Variants in RTN4RL1 observed in about 807,000 individuals in gnomAD.
RTN4RL1 encodes the protein reticulon 4 receptor like 1.
A neutral mutation model predicts 25.6 loss-of-function variants in RTN4RL1; 7 were observed. That is an observed-to-expected ratio of 0.27 (90% CI 0.16 to 0.51). RTN4RL1 has a LOEUF of 0.51. Among genes scored for constraint, RTN4RL1 ranks in the 20% least tolerant of loss-of-function variants. RTN4RL1 has a pLI of 0.97. For synonymous variants in RTN4RL1, 297 were observed against 288.2 expected, an observed-to-expected ratio of 1.03 and a Z score of -0.31; for missense variants, 500 against 615.6, an observed-to-expected ratio of 0.81 and a Z score of 1.99.
In RTN4RL1 at chr17:1,936,740, T is replaced by A; in HGVS notation, c.1082A>T (p.Asn361Ile). The change falls in exon 2 of 2, where the codon AAC (asparagine) becomes ATC (isoleucine). Residue 361 changes from asparagine to isoleucine, a missense_variant. Physicochemically the swap from Asn to Ile is moderately radical, Grantham distance 149 (BLOSUM62 -3). Transcript: ENST00000331238. Reference sequence around the variant, plus strand: ...GCCCGCCTTAGAGATCTGATTGCGGTTCCTGGGGTTGGTGCAGTTCTTCCC... The same window carrying A: ...GCCCGCCTTAGAGATCTGATTGCGGATCCTGGGGTTGGTGCAGTTCTTCCC... Reference protein sequence around the residue: ...KPGKNCTNPRNRNQISKAGAG... With the variant: ...KPGKNCTNPRIRNQISKAGAG... The A allele has an allele frequency of 6.3e-7, 1 of 1,596,334 alleles. No individual in the cohort carries two copies. Among genetic ancestry groups the A allele is most frequent in the Non-Finnish European group, 8.5e-7 (1 of 1,173,054 alleles).
intron 1 of RTN4RL1, among the ~76,000 whole-genome samples, chr17:1,957,992 T>C (rs7359650): frequency 0.49 from 74,107 of 151,498 alleles, 19,300 homozygotes; most frequent in Non-Finnish European, 0.6. Flanking sequence ...GCCTGGGTAA[T>C]GCAGTGAGAC....
chr17:1,938,093 C>T (rs989612641), intron 1 of RTN4RL1, among the ~76,000 whole-genome samples: 8 of 152,096 alleles, frequency 5.3e-5, no homozygotes, highest in African/African-American at 1.9e-4. Flanking sequence ...GCTGCTGAGC[C>T]CCAGCCCCAC....
intron 1 of RTN4RL1, among the ~76,000 whole-genome samples, chr17:1,958,777 T>A (rs1174087264): frequency 6.6e-6 from 1 of 152,188 alleles, no homozygotes; most frequent in Non-Finnish European, 1.5e-5. Context: ...CAGGCCTGGG[T>A]TCACACGTCC....
chr17:1,939,981 G>A (rs1237688645), intron 1 of RTN4RL1, among the ~76,000 whole-genome samples: 2 of 152,212 alleles, frequency 1.3e-5, no homozygotes, highest in African/African-American at 4.8e-5. Flanking sequence ...AGAGCTTGTG[G>A]GATGAGAGAA....
intron 1 of RTN4RL1, among the ~76,000 whole-genome samples, chr17:1,969,866 G>T (rs574551197): frequency 6.6e-6 from 1 of 152,132 alleles, no homozygotes; most frequent in Non-Finnish European, 1.5e-5. Flanking sequence ...GGCTCAGCAG[G>T]ATGGTTCTTC....
At chr17:2,016,077 C>G (rs941710062) in intron 1 of RTN4RL1, among the ~76,000 whole-genome samples, 1 of 152,152 alleles carries the variant, frequency 6.6e-6, no homozygotes, top group Non-Finnish European at 1.5e-5. Context: ...GAAGAAACTC[C>G]TGCTATTGAA....
chr17:2,023,000 C>T (rs895252187), intron 1 of RTN4RL1, among the ~76,000 whole-genome samples: 2 of 152,230 alleles, frequency 1.3e-5, no homozygotes, highest in Non-Finnish European at 1.5e-5. Context: ...CTCTTGGAGG[C>T]TGCTGGAGCC....
At chr17:1,959,382 T>A (rs932870212) in intron 1 of RTN4RL1, among the ~76,000 whole-genome samples, 1 of 152,172 alleles carries the variant, frequency 6.6e-6, no homozygotes, top group Non-Finnish European at 1.5e-5. Flanking sequence ...AAACTCTTTC[T>A]TCTCTTCTCT....
chr17:2,013,197 A>T (rs1387179144), intron 1 of RTN4RL1, among the ~76,000 whole-genome samples: 1 of 152,176 alleles, frequency 6.6e-6, no homozygotes, highest in African/African-American at 2.4e-5. Context: ...GAGAGAAGTG[A>T]GGGGGACAGG....
At chr17:1,971,541 CGTACT>C in intron 1 of RTN4RL1, among the ~76,000 whole-genome samples, 1 of 152,238 alleles carries the variant, frequency 6.6e-6, no homozygotes, top group African/African-American at 2.4e-5. Flanking sequence ...TGCAAAGCCA[CGTACT>C]TGGCTGGGCA....
intron 1 of RTN4RL1, among the ~76,000 whole-genome samples, chr17:1,953,532 C>G (rs1055646934): frequency 1.5e-4 from 22 of 151,490 alleles, no homozygotes; most frequent in African/African-American, 3.9e-4. Context: ...TGCACATGTT[C>G]CCTAGAACTC....
At chr17:1,992,072 AAG>A (rs2066911244) in intron 1 of RTN4RL1, among the ~76,000 whole-genome samples, 1 of 148,934 alleles carries the variant, frequency 6.7e-6, no homozygotes, top group Non-Finnish European at 1.5e-5. Context: ...CATGCAGAAA[AAG>A]AGTCCTCGTG....
At chr17:2,012,269 C>A (rs10852909) in intron 1 of RTN4RL1, among the ~76,000 whole-genome samples, 8 of 152,080 alleles carry the variant, frequency 5.3e-5, no homozygotes, top group East Asian at 1.9e-4. Flanking sequence ...AACACAGCGC[C>A]TGCTCTGCTG....
chr17:1,974,175 A>C (rs1180189072), intron 1 of RTN4RL1, among the ~76,000 whole-genome samples: 1 of 152,126 alleles, frequency 6.6e-6, no homozygotes, highest in Non-Finnish European at 1.5e-5. Flanking sequence ...CCATCTTTAC[A>C]AAAAAATACA....
intron 1 of RTN4RL1, among the ~76,000 whole-genome samples, chr17:2,022,904 G>A (rs1347040419): frequency 6.6e-6 from 1 of 152,208 alleles, no homozygotes; most frequent in Non-Finnish European, 1.5e-5. Context: ...TGCAGGGTAA[G>A]GAGCCTCCCC....
chr17:1,973,460 G>A (rs559312919), intron 1 of RTN4RL1, among the ~76,000 whole-genome samples: 1 of 150,900 alleles, frequency 6.6e-6, no homozygotes, highest in South Asian at 2.1e-4. Flanking sequence ...TGAGGTTACA[G>A]TGAGCCGGGA....
At chr17:1,978,472 C>A (rs1347292781) in intron 1 of RTN4RL1, among the ~76,000 whole-genome samples, 5 of 152,382 alleles carry the variant, frequency 3.3e-5, no homozygotes, top group Admixed American at 6.5e-5. Flanking sequence ...GCCATCCAGG[C>A]GGAAGCGCCC....
chr17:2,012,134 C>T (rs111883215), intron 1 of RTN4RL1, among the ~76,000 whole-genome samples: 1 of 152,244 alleles, frequency 6.6e-6, no homozygotes, highest in Non-Finnish European at 1.5e-5. Flanking sequence ...CATTTCAGAT[C>T]TCTGAAGCCC....
chr17:1,938,777 G>A lies in RTN4RL1; in HGVS notation c.14-969C>T, dbSNP rs546644893. Among the ~76,000 whole-genome samples, 9 of 151,846 alleles carry A rather than the reference G, an allele frequency of 5.9e-5. No individual in the cohort carries two copies. In the South Asian group the frequency reaches 1.3e-3, roughly 21 times the overall value. On this transcript the variant is annotated intron_variant, in intron 1 of 1. Transcript: ENST00000331238. Reference sequence around the variant, plus strand: ...TTCTGAAATACAGACATGGCCGGGCGCGGTGGCTCACGCCTGTAATCCCAA... The same window carrying A: ...TTCTGAAATACAGACATGGCCGGGCACGGTGGCTCACGCCTGTAATCCCAA...
Sources: gnomAD v4.1 joint callset for allele counts (sites outside exome capture counted in the v4.1 genomes callset) on GRCh38, gnomAD v4.1.1 for gene constraint, MANE v1.5 for transcripts, NCBI Gene and HGNC (gene_info 2026-07-23, HGNC 2026-07-21) for gene names.